The following HAPLN1 variants were observed in gnomAD, a reference collection of about 807,000 sequenced individuals.
HAPLN1 encodes the protein hyaluronan and proteoglycan link protein 1.
In HAPLN1, 13 loss-of-function variants were observed where a neutral mutation model predicts 36.5. That is an observed-to-expected ratio of 0.36 (90% CI 0.23 to 0.57). The LOEUF is 0.57. HAPLN1 is among the 20% of genes least tolerant of loss of function. The pLI is 0.83. For missense variants in HAPLN1, 407 were observed against 439.7 expected, an observed-to-expected ratio of 0.93 and a Z score of 0.66; for synonymous variants, 202 against 169.8, an observed-to-expected ratio of 1.19 and a Z score of -1.48.
At chr5:83,653,463 T>C (rs1750131460) in intron 2 of HAPLN1, among the ~76,000 whole-genome samples, 1 of 152,264 alleles carries the variant, frequency 6.6e-6, no homozygotes, top group African/African-American at 2.4e-5. Flanking sequence ...AAGGTAATTT[T>C]AATAAATGCT....
chr5:83,695,312 G>C (rs1751368318), intron 1 of HAPLN1, among the ~76,000 whole-genome samples: 1 of 151,840 alleles, frequency 6.6e-6, no homozygotes, highest in Non-Finnish European at 1.5e-5. Context: ...TTTTAGTAGA[G>C]ATGGGGTTTC....
chr5:83,657,096 T>TC (rs1183495245), intron 2 of HAPLN1, among the ~76,000 whole-genome samples: 1 of 151,346 alleles, frequency 6.6e-6, no homozygotes, highest in East Asian at 1.9e-4. Flanking sequence ...TTTTTGGTTT[T>TC]CTTTTTTTTT....
intron 1 of HAPLN1, chr5:83,682,636 T>A (rs1751032989): frequency 6.6e-6 from 1 of 152,126 alleles, no homozygotes; most frequent in Non-Finnish European, 1.5e-5. Flanking sequence ...CATGACCTCA[T>A]CAGAATTCAG....
chr5:83,700,248 T>G (rs1751477725), intron 1 of HAPLN1, among the ~76,000 whole-genome samples: 2 of 150,272 alleles, frequency 1.3e-5, no homozygotes, highest in Admixed American at 6.6e-5. Flanking sequence ...AAAAATTACA[T>G]GTATCTACTC....
At position 83,662,058 on chromosome 5, in the gene HAPLN1, G is replaced by A. The variant is rs191563764; in HGVS notation, c.101-9234C>T. On this transcript the variant is annotated intron_variant, in intron 2 of 4. Coordinates refer to ENST00000274341, the MANE Select transcript of HAPLN1 (RefSeq NM_001884.4). ...GCTGGGATTATAGGCACCCGCCACCGTGTCCGGTTAATTTTTCTATTTTTA... is the reference window on the plus strand; with the variant it reads ...GCTGGGATTATAGGCACCCGCCACCATGTCCGGTTAATTTTTCTATTTTTA... Among the ~76,000 whole-genome samples, 59 of 152,214 alleles carry A rather than the reference G, an allele frequency of 3.9e-4. No individual in the cohort carries two copies. In the East Asian group the frequency reaches 9.7e-3, roughly 25 times the overall value.
At chr5:83,679,988 T>G (rs980859036) in intron 1 of HAPLN1, among the ~76,000 whole-genome samples, 3 of 152,214 alleles carry the variant, frequency 2.0e-5, no homozygotes, top group Non-Finnish European at 4.4e-5. Context: ...AATTCATGGA[T>G]TTTTAAAGGG....
chr5:83,715,301 T>A (rs781545022), intron 1 of HAPLN1, among the ~76,000 whole-genome samples: 42 of 152,198 alleles, frequency 2.8e-4, no homozygotes, highest in Non-Finnish European at 5.0e-4. Flanking sequence ...CAATTAAATG[T>A]AGTCAAGAAA....
rs1173679539 is a variant in HAPLN1, at chr5:83,652,661, G to A, written c.264C>T (p.Tyr88=). The A allele has an allele frequency of 6.2e-7, 1 of 1,613,950 alleles. No individual in the cohort carries two copies. The highest frequency in any genetic ancestry group is 8.5e-7 in the Non-Finnish European group (1 of 1,180,004). The change falls in exon 3 of 5, where the codon TAC becomes TAT. Residue 88 remains tyrosine, a synonymous_variant. Transcript: ENST00000274341. ...RIKWTKLTSD[Y]LKEVDVFVSM... ...AAACAAAAACATCCACTTCCTTGAG[G>A]TAATCCGAAGTTAGCTTGGTCCACT...
At chr5:83,647,232 C>T (rs758347473) in intron 3 of HAPLN1, among the ~76,000 whole-genome samples, 46 of 152,130 alleles carry the variant, frequency 3.0e-4, no homozygotes, top group Admixed American at 1.2e-3. Flanking sequence ...TTCATACAAT[C>T]ATTTTTTAGG....
chr5:83,705,387 C>CAAAAAAAAAAAAAA (rs762927081), intron 1 of HAPLN1, among the ~76,000 whole-genome samples: 17 of 85,412 alleles, frequency 2.0e-4, no homozygotes, highest in East Asian at 3.5e-4. Flanking sequence ...TGAAACGTCA[C>CAAAAAAAAAAAAAA]AAAAAAAAAA....
In HAPLN1 at chr5:83,640,272, T is replaced by C. The variant is rs1484422654; in HGVS notation, c.*1224A>G. ...TTGGAAGCTGGACTTAACCTTTTAT[T>C]TAAAGCCCTGAAGATTTTAGTGTAA... On this transcript the variant is annotated 3_prime_UTR_variant, in exon 5 of 5. Transcript: ENST00000274341. 1 of 152,114 alleles carries C rather than the reference T, an allele frequency of 6.6e-6. No homozygotes were observed. Among genetic ancestry groups the C allele is most frequent in the South Asian group, 2.1e-4 (1 of 4,822 alleles). 9.4% of individuals were successfully genotyped at this position (152,114 alleles called of 1,614,324 possible).
chr5:83,658,666 T>C (rs1380739653), intron 2 of HAPLN1, among the ~76,000 whole-genome samples: 1 of 152,196 alleles, frequency 6.6e-6, no homozygotes, highest in Non-Finnish European at 1.5e-5. Context: ...GGAAGAAATC[T>C]AATTTCTCCT....
At chr5:83,703,017 C>A (rs1163096534) in intron 1 of HAPLN1, among the ~76,000 whole-genome samples, 2 of 152,148 alleles carry the variant, frequency 1.3e-5, no homozygotes, top group Admixed American at 1.3e-4. Flanking sequence ...TGGCCTCCAG[C>A]AATTTTCTTA....
chr5:83,702,361 C>T (rs539390822), intron 1 of HAPLN1, among the ~76,000 whole-genome samples: 10 of 152,186 alleles, frequency 6.6e-5, no homozygotes, highest in African/African-American at 2.2e-4. Context: ...CTTAAAATCA[C>T]ATTAGATAGT....
At position 83,644,644 on chromosome 5, in the gene HAPLN1, G is replaced by T. The variant is rs776371363; in HGVS notation, c.494C>A (p.Pro165Gln). Residue 165 changes from proline to glutamine, a missense_variant, in exon 4 of 5, where the codon CCA becomes CAA. Physicochemically the swap from Pro to Gln is moderately conservative, Grantham distance 76. Transcript: ENST00000274341. Reference protein sequence around the residue: ...DLQGVVFPYFPRLGRYNLNFH... With the variant: ...DLQGVVFPYFQRLGRYNLNFH... ...ATTGAGATTGTAGCGCCCCAGTCGT[G>T]GAAAGTAAGGGAATACCACACCTGT... 1.4e-6 allele frequency: 2 copies of T among 1,473,122 alleles called. No individual in the cohort carries two copies. Among genetic ancestry groups the T allele is most frequent in the East Asian group, 2.5e-5 (1 of 40,116 alleles). 91.3% of individuals were successfully genotyped at this position (1,473,122 alleles called of 1,614,324 possible). A position where few individuals can be genotyped will look rare whatever the true frequency, so the allele number is the denominator to read the frequency against.
chr5:83,715,414 G>A (rs1751895432), intron 1 of HAPLN1, among the ~76,000 whole-genome samples: 2 of 152,146 alleles, frequency 1.3e-5, no homozygotes, highest in South Asian at 4.1e-4. Context: ...TAAATGCAAA[G>A]AAAGGGAGCC....
chr5:83,710,779 C>T (rs1413700379), intron 1 of HAPLN1, among the ~76,000 whole-genome samples: 1 of 151,918 alleles, frequency 6.6e-6, no homozygotes, highest in Non-Finnish European at 1.5e-5. Context: ...GGCAAAACCC[C>T]GTCTCTACTA....
Position 83,651,699 on chromosome 5 carries a change from A to G in HAPLN1, c.472+754T>C, listed in dbSNP as rs1474929305. 2.6e-5 allele frequency among the ~76,000 whole-genome samples: 4 copies of G among 152,218 alleles called. 1 individual carries two copies. The highest frequency in any genetic ancestry group is 4.4e-5 in the Non-Finnish European group (3 of 68,042). ...TCAATGCTGCCAAAATCCACCCTTC[A>G]GTATAAAATAATGCTGAAATTTACG... On this transcript the variant is annotated intron_variant, in intron 3 of 4. Coordinates refer to ENST00000274341, the MANE Select transcript of HAPLN1 (RefSeq NM_001884.4).
intron 4 of HAPLN1, among the ~76,000 whole-genome samples, chr5:83,644,080 T>C (rs1481314117): frequency 1.3e-5 from 2 of 152,116 alleles, no homozygotes; most frequent in Non-Finnish European, 2.9e-5. Flanking sequence ...TCTTTGACAA[T>C]AGGTAACAGA....
Sources: gnomAD v4.1 joint callset for allele counts (sites outside exome capture counted in the v4.1 genomes callset) on GRCh38, gnomAD v4.1.1 for gene constraint, MANE v1.5 for transcripts, NCBI Gene and HGNC (gene_info 2026-07-23, HGNC 2026-07-21) for gene names.